WDPCP: variants seen among roughly 807,000 people sequenced by gnomAD.
WDPCP encodes WD repeat-containing and planar cell polarity effector protein fritz homolog.
Under a neutral mutation model 93.1 loss-of-function variants are expected in WDPCP, and 71 were observed. The ratio of observed to expected loss-of-function variants is 0.76; its 90% CI spans 0.63 to 0.93. WDPCP has a LOEUF of 0.93. Among genes scored for constraint, WDPCP ranks in the 40% least tolerant of loss-of-function variants. WDPCP has a pLI of 0.00. For missense variants in WDPCP, 844 were observed against 887.4 expected (o/e 0.95, Z 0.62); for synonymous variants, 315 against 315.0 (o/e 1.00, Z 0.00).
rs778027988 is a variant in WDPCP at position 63,517,702 on chromosome 2, T to C, written c.76-24762A>G. Among the ~76,000 whole-genome samples, 35 of 152,320 alleles carry C rather than the reference T, an allele frequency of 2.3e-4. 1 individual carries two copies. Among genetic ancestry groups the C allele is most frequent in the Non-Finnish European group, 4.0e-4 (27 of 68,028 alleles). On this transcript the variant is annotated intron_variant, in intron 1 of 17. Transcript: ENST00000272321. ...TCTTAATTTCTAGTTGTATTGCATT[T>C]ACAGGATGGCCCTTCTAAGTCTCAA... is the stretch of plus-strand genomic sequence containing the variant.
chr2:63,144,259 TTTTTATTTTATTTTATTTTA>T lies in WDPCP; in HGVS notation c.2190+8635_2190+8654del, dbSNP rs58606765. Among the ~76,000 whole-genome samples, 9 of 147,964 alleles carry T rather than the reference TTTTTATTTTATTTTATTTTA, an allele frequency of 6.1e-5. No individual in the cohort carries two copies. The South Asian group carries it at 6.5e-4, about 11-fold the overall frequency. On this transcript the variant is annotated intron_variant, in intron 17 of 17. Transcript: ENST00000272321. ...GTGAGACTTTCCAGAGCATTTACCC[TTTTTATTTTATTTTATTTTA>T]TTTTATTTTATTTTATTTTGAGACG...
At chr2:63,275,914 A>G (rs1415704330) in intron 13 of WDPCP, among the ~76,000 whole-genome samples, 1 of 149,638 alleles carries the variant, frequency 6.7e-6, no homozygotes, top group African/African-American at 2.5e-5. Flanking sequence ...TCCAAGAACT[A>G]CTGCAAGAAC....
At chr2:63,310,154 A>C (rs1474374204) in intron 13 of WDPCP, among the ~76,000 whole-genome samples, 1 of 152,192 alleles carries the variant, frequency 6.6e-6, no homozygotes, top group Non-Finnish European at 1.5e-5. Flanking sequence ...CACTTCATAT[A>C]TATTATTAAT....
intron 3 of WDPCP, among the ~76,000 whole-genome samples, chr2:63,602,454 T>C (rs1164157908): frequency 6.6e-6 from 1 of 150,986 alleles, no homozygotes; most frequent in Admixed American, 6.6e-5. Flanking sequence ...CCATTGATGG[T>C]ACCTTACATA....
At chr2:63,305,184 A>T (rs1157161079) in intron 13 of WDPCP, among the ~76,000 whole-genome samples, 3 of 152,060 alleles carry the variant, frequency 2.0e-5, no homozygotes, top group Admixed American at 6.6e-5. Context: ...GCAGACTTAA[A>T]CATTCCTGCC....
At chr2:63,539,850 T>C (rs1448384044) in intron 1 of WDPCP, among the ~76,000 whole-genome samples, 5 of 152,218 alleles carry the variant, frequency 3.3e-5, no homozygotes, top group Non-Finnish European at 7.3e-5. Flanking sequence ...TATAGATAGA[T>C]GGATGAGTAG....
chr2:63,613,193 G>A (rs1044979949), intron 3 of WDPCP, among the ~76,000 whole-genome samples: 2 of 152,106 alleles, frequency 1.3e-5, no homozygotes, highest in Non-Finnish European at 2.9e-5. Context: ...GATTAAGGGG[G>A]GAAAATCCCA....
intron 2 of WDPCP, among the ~76,000 whole-genome samples, chr2:63,488,502 G>A (rs985160871): frequency 2.0e-5 from 3 of 151,988 alleles, no homozygotes; most frequent in Non-Finnish European, 2.9e-5. Context: ...TATGTCTACT[G>A]GTTAGACTGA....
At chr2:63,309,613 C>T (rs1284276518) in intron 13 of WDPCP, among the ~76,000 whole-genome samples, 1 of 152,156 alleles carries the variant, frequency 6.6e-6, no homozygotes, top group African/African-American at 2.4e-5. Context: ...TTAAACAACA[C>T]AATAAATCAA....
intron 2 of WDPCP, among the ~76,000 whole-genome samples, chr2:63,657,140 T>C (rs1172786552): frequency 2.0e-5 from 3 of 151,694 alleles, no homozygotes; most frequent in Non-Finnish European, 2.9e-5. Context: ...GGCTACTTTA[T>C]TATAATTATG....
Position 63,769,365 on chromosome 2 carries a change from A to G in WDPCP, n.308+44257T>C, listed in dbSNP as rs573941443. 3.9e-5 allele frequency among the ~76,000 whole-genome samples: 6 copies of G among 152,160 alleles called. No individual in the cohort carries two copies. The South Asian group carries it at 6.2e-4, about 16-fold the overall frequency. On this transcript the variant is annotated intron_variant and non_coding_transcript_variant, in intron 2 of 4. Coordinates refer to the WDPCP transcript ENST00000467687. ...AAAATATGTGGGGTGAATCTATTGC[A>G]TTGATCACATGACCAGGATAATGTA...
chr2:63,195,146 T>C (rs942786384), intron 14 of WDPCP, among the ~76,000 whole-genome samples: 3 of 152,188 alleles, frequency 2.0e-5, no homozygotes, highest in Admixed American at 6.5e-5. Context: ...TTTGCACTTA[T>C]TCTTTAAATT....
At chr2:63,839,337 A>T in the WDPCP span, among the ~76,000 whole-genome samples, 1 of 152,202 alleles carries the variant, frequency 6.6e-6, no homozygotes, top group Non-Finnish European at 1.5e-5. Context: ...AGGCAGGCGG[A>T]TCACAAGGTC....
At chr2:63,359,200 C>T (rs374807551) in intron 12 of WDPCP, among the ~76,000 whole-genome samples, 2 of 152,140 alleles carry the variant, frequency 1.3e-5, no homozygotes, top group East Asian at 3.9e-4. Context: ...TCACAACATT[C>T]TAGTTCCGAC....
At chr2:63,332,691 C>T (rs1688068448) in intron 12 of WDPCP, among the ~76,000 whole-genome samples, 1 of 152,100 alleles carries the variant, frequency 6.6e-6, no homozygotes, top group South Asian at 2.1e-4. Context: ...TTGTGGCTTC[C>T]ATTTTCATTT....
At chr2:63,135,514 G>A (rs1670555852) in intron 17 of WDPCP, among the ~76,000 whole-genome samples, 1 of 151,702 alleles carries the variant, frequency 6.6e-6, no homozygotes, top group South Asian at 2.1e-4. Context: ...GCATTTTTAG[G>A]AGAGACAGCG....
chr2:63,538,808 A>C (rs1458167389), intron 1 of WDPCP, among the ~76,000 whole-genome samples: 1 of 152,206 alleles, frequency 6.6e-6, no homozygotes, highest in Non-Finnish European at 1.5e-5. Flanking sequence ...CAGAAAAGAT[A>C]AAACTAGTCT....
At chr2:63,772,286 G>A (rs182829580) in intron 2 of WDPCP, among the ~76,000 whole-genome samples, 247 of 152,106 alleles carry the variant, frequency 1.6e-3, no homozygotes, top group African/African-American at 5.7e-3. Flanking sequence ...GACGATTAGT[G>A]ATGTTGAGCA....
At chr2:63,224,653 GATTCCAACTATGTGAC>G (rs1678129352) in intron 14 of WDPCP, among the ~76,000 whole-genome samples, 1 of 152,000 alleles carries the variant, frequency 6.6e-6, no homozygotes, top group Non-Finnish European at 1.5e-5. Flanking sequence ...AAGGCTGTAT[GATTCCAACTATGTGAC>G]ATTCTAGAAA....
Sources: gnomAD v4.1 joint callset for allele counts (sites outside exome capture counted in the v4.1 genomes callset) on GRCh38, gnomAD v4.1.1 for gene constraint, MANE v1.5 for transcripts, NCBI Gene and HGNC (gene_info 2026-07-23, HGNC 2026-07-21) for gene names.